The following GRM8 variants were observed in gnomAD, a reference collection of about 807,000 sequenced individuals.
The protein encoded by GRM8 is glutamate metabotropic receptor 8.
GRM8 carries 47 observed loss-of-function variants against 87.2 expected under a neutral mutation model. That is an observed-to-expected ratio of 0.54 (90% CI 0.43 to 0.69). The LOEUF is 0.69. GRM8 is among the 30% of genes least tolerant of loss of function. The pLI, the probability that GRM8 is intolerant of heterozygous loss-of-function variation, is 0.00. For synonymous variants in GRM8, 396 were observed against 404.5 expected, an observed-to-expected ratio of 0.98 and a Z score of 0.25; for missense variants, 1,019 against 1,139.2, an observed-to-expected ratio of 0.89 and a Z score of 1.52.
chr7:126,829,996 A>C lies in GRM8; in HGVS notation c.1157-59931T>G, dbSNP rs553587522. 2.9e-3 allele frequency among the ~76,000 whole-genome samples: 445 copies of C among 152,278 alleles called. 1 individual carries two copies. The highest frequency in any genetic ancestry group is 0.01 in the African/African-American group (420 of 41,540). ...TGGCTGAATATGAAATTCTGGGTTGAAAATTCTTTTCTTTAAGAATGTTGA... is the reference window on the plus strand; with the variant it reads ...TGGCTGAATATGAAATTCTGGGTTGCAAATTCTTTTCTTTAAGAATGTTGA... On this transcript the variant is annotated intron_variant, in intron 6 of 10. Transcript: ENST00000339582.
chr7:126,804,479 C>T (rs1002758973), intron 6 of GRM8, among the ~76,000 whole-genome samples: 3 of 152,228 alleles, frequency 2.0e-5, no homozygotes, highest in Admixed American at 6.5e-5. Context: ...AACCTATTGA[C>T]CGCAGAACTT....
chr7:127,216,418 T>C, intron 2 of GRM8, among the ~76,000 whole-genome samples: 1 of 149,082 alleles, frequency 6.7e-6, no homozygotes. Context: ...CTTGGGAAGC[T>C]GAGGCAGGAG....
intron 3 of GRM8, among the ~76,000 whole-genome samples, chr7:126,940,419 T>C (rs1278580556): frequency 6.6e-6 from 1 of 152,142 alleles, no homozygotes; most frequent in Non-Finnish European, 1.5e-5. Flanking sequence ...TCTGCTTCCA[T>C]TCCCTAATGC....
chr7:127,016,757 C>A (rs1815715425), intron 3 of GRM8, among the ~76,000 whole-genome samples: 1 of 152,152 alleles, frequency 6.6e-6, no homozygotes, highest in East Asian at 1.9e-4. Context: ...TAAAGCCATG[C>A]AAAAGTTATA....
rs566026729 is a variant in GRM8 at position 126,929,976 on chromosome 7, T to C, written c.728-25293A>G. 5.3e-5 allele frequency among the ~76,000 whole-genome samples: 8 copies of C among 152,148 alleles called. No homozygotes were observed. In the South Asian group the frequency reaches 1.7e-3, roughly 32 times the overall value. On this transcript the variant is annotated intron_variant, in intron 3 of 10. Transcript: ENST00000339582. ...GTATTGGTCTTTGCAATTTATACTATACTTTCATGTATTTCATTGAATTAA... is the reference window on the plus strand; with the variant it reads ...GTATTGGTCTTTGCAATTTATACTACACTTTCATGTATTTCATTGAATTAA...
intron 7 of GRM8, among the ~76,000 whole-genome samples, chr7:126,634,926 G>A (rs1260447931): frequency 6.6e-6 from 1 of 152,108 alleles, no homozygotes; most frequent in Non-Finnish European, 1.5e-5. Flanking sequence ...CATCCAAAGA[G>A]AGAAGGGTCT....
In GRM8 at chr7:127,242,968, C is replaced by T. The variant is rs1798394110; in HGVS notation, c.237G>A (p.Met79Ile). ...TGTTAATCTGGTCAATTGCATAAAGCATGGCCTCCAGTCTGTGAATCCCCT... is the reference window on the plus strand; with the variant it reads ...TGTTAATCTGGTCAATTGCATAAAGTATGGCCTCCAGTCTGTGAATCCCCT... ...KEKGIHRLEA[M>I]LYAIDQINKD... The change falls in exon 2 of 11, where the codon ATG becomes ATA. Residue 79 changes from methionine to isoleucine, a missense_variant. Coordinates refer to ENST00000339582, the MANE Select transcript of GRM8 (RefSeq NM_000845.3). 2 of 1,614,122 alleles carry T rather than the reference C, an allele frequency of 1.2e-6. No homozygotes were observed. The highest frequency in any genetic ancestry group is 4.5e-5 in the East Asian group (2 of 44,868).
chr7:127,150,343 T>G (rs185942276), intron 2 of GRM8, among the ~76,000 whole-genome samples: 2 of 152,050 alleles, frequency 1.3e-5, no homozygotes, highest in East Asian at 3.9e-4. Context: ...CTGAAACCAG[T>G]GGCTGTTCTC....
chr7:127,217,560 C>A (rs150847927), intron 2 of GRM8, among the ~76,000 whole-genome samples: 4 of 152,204 alleles, frequency 2.6e-5, no homozygotes, highest in Non-Finnish European at 4.4e-5. Flanking sequence ...CTGTTTCAGA[C>A]TTTCCCATTA....
At chr7:126,776,479 A>C (rs1819489955) in intron 6 of GRM8, among the ~76,000 whole-genome samples, 1 of 152,162 alleles carries the variant, frequency 6.6e-6, no homozygotes, top group Non-Finnish European at 1.5e-5. Flanking sequence ...AATTAAAAGG[A>C]CTGATTTTTA....
chr7:126,689,814 C>T (rs989764822), intron 7 of GRM8, among the ~76,000 whole-genome samples: 1 of 152,156 alleles, frequency 6.6e-6, no homozygotes, highest in African/African-American at 2.4e-5. Flanking sequence ...GCAGAAGCTT[C>T]TGCATGACCA....
At chr7:126,891,318 G>A (rs986647685) in intron 6 of GRM8, among the ~76,000 whole-genome samples, 2 of 151,856 alleles carry the variant, frequency 1.3e-5, no homozygotes, top group African/African-American at 4.8e-5. Context: ...GAAAATTACT[G>A]TAGTATCTCA....
chr7:127,217,412 G>C (rs919753525), intron 2 of GRM8, among the ~76,000 whole-genome samples: 1 of 152,188 alleles, frequency 6.6e-6, no homozygotes, highest in Non-Finnish European at 1.5e-5. Context: ...GACAGAAAAA[G>C]CACATGCAGC....
At chr7:126,995,788 T>C (rs1287241283) in intron 3 of GRM8, among the ~76,000 whole-genome samples, 1 of 152,000 alleles carries the variant, frequency 6.6e-6, no homozygotes, top group Non-Finnish European at 1.5e-5. Flanking sequence ...GAGATGAGGG[T>C]AGCAAGTTTA....
At chr7:126,797,024 A>G (rs1822028602) in intron 6 of GRM8, among the ~76,000 whole-genome samples, 1 of 152,100 alleles carries the variant, frequency 6.6e-6, no homozygotes, top group East Asian at 1.9e-4. Flanking sequence ...TGAATGGGAG[A>G]GTCTAATTGG....
intron 3 of GRM8, among the ~76,000 whole-genome samples, chr7:127,015,813 A>G (rs1005008178): frequency 3.9e-5 from 6 of 152,138 alleles, no homozygotes; most frequent in South Asian, 2.1e-4. Context: ...AGGTTGATGT[A>G]TAAAAAAGAA....
At chr7:126,756,695 T>A (rs1817042098) in intron 7 of GRM8, among the ~76,000 whole-genome samples, 1 of 151,994 alleles carries the variant, frequency 6.6e-6, no homozygotes, top group Non-Finnish European at 1.5e-5. Context: ...CTATAAGACA[T>A]CTGGAAAAGG....
At chr7:126,681,434 C>T (rs1477031383) in intron 7 of GRM8, among the ~76,000 whole-genome samples, 2 of 152,208 alleles carry the variant, frequency 1.3e-5, no homozygotes, top group African/African-American at 4.8e-5. Flanking sequence ...GTACTTTCCT[C>T]ATGACTCCAA....
At position 127,076,514 on chromosome 7, in the gene GRM8, C is replaced by T. The variant is rs576637423; in HGVS notation, c.727+29982G>A. On this transcript the variant is annotated intron_variant, in intron 3 of 10. Coordinates refer to ENST00000339582, the MANE Select transcript of GRM8 (RefSeq NM_000845.3). Reference sequence around the variant, plus strand: ...GCTGCTCAGGAGGATTAGCGCCTGACGTGGAAGTGGTTTCCCATTCTTCTC... The same window carrying T: ...GCTGCTCAGGAGGATTAGCGCCTGATGTGGAAGTGGTTTCCCATTCTTCTC... Among the ~76,000 whole-genome samples the T allele has an allele frequency of 5.1e-4, 77 of 152,328 alleles. 2 individuals carry two copies. In the South Asian group the frequency reaches 0.013, roughly 26 times the overall value.
Sources: allele counts gnomAD v4.1 joint callset (sites outside exome capture counted in the v4.1 genomes callset), GRCh38; gene constraint gnomAD v4.1.1; transcripts MANE v1.5; gene names NCBI Gene and HGNC (gene_info 2026-07-23, HGNC 2026-07-21).